PTPRD: variants seen among roughly 807,000 people sequenced by gnomAD.
PTPRD encodes the protein protein tyrosine phosphatase receptor type D.
PTPRD carries 34 observed loss-of-function variants against 214.5 expected under a neutral mutation model. The ratio of observed to expected loss-of-function variants is 0.16; its 90% CI spans 0.12 to 0.21. PTPRD has a LOEUF of 0.21. Among genes scored for constraint, PTPRD ranks in the 10% least tolerant of loss-of-function variants. The pLI is 1.00. For missense variants in PTPRD, 2,545 were observed against 2,398.7 expected, an observed-to-expected ratio of 1.06 and a Z score of -1.27; for synonymous variants, 1,128 against 845.7, an observed-to-expected ratio of 1.33 and a Z score of -5.79.
chr9:8,777,228 C>T (rs555724025), intron 11 of PTPRD, among the ~76,000 whole-genome samples: 4 of 152,114 alleles, frequency 2.6e-5, no homozygotes, highest in Non-Finnish European at 5.9e-5. Context: ...GATACTCCTG[C>T]TTCCACCTCC....
At chr9:10,107,395 C>A (rs1386502326) in intron 3 of PTPRD, among the ~76,000 whole-genome samples, 2 of 152,016 alleles carry the variant, frequency 1.3e-5, no homozygotes, top group Non-Finnish European at 2.9e-5. Flanking sequence ...GCTGCATAAA[C>A]ATGACTCATT....
intron 11 of PTPRD, among the ~76,000 whole-genome samples, chr9:8,839,998 G>A (rs754110494): frequency 6.6e-6 from 1 of 152,158 alleles, no homozygotes; most frequent in Admixed American, 6.5e-5. Context: ...CAGATAAAAG[G>A]ATTATGAGCA....
At chr9:9,566,225 T>A (rs942700746) in intron 8 of PTPRD, among the ~76,000 whole-genome samples, 1 of 152,054 alleles carries the variant, frequency 6.6e-6, no homozygotes, top group Non-Finnish European at 1.5e-5. Flanking sequence ...ACTGTTATTA[T>A]CTACTTATAT....
In PTPRD at chr9:9,783,573, T is replaced by G. The variant is rs534384492; in HGVS notation, c.-367-16722A>C. 3.3e-5 allele frequency among the ~76,000 whole-genome samples: 5 copies of G among 152,242 alleles called. No individual in the cohort carries two copies. The South Asian group carries it at 1.0e-3, about 32-fold the overall frequency. ...ATTAAACCAAGATGTACATTTTAATTATAATTTTATCAAACTGATAATACA... is the reference window on the plus strand; with the variant it reads ...ATTAAACCAAGATGTACATTTTAATGATAATTTTATCAAACTGATAATACA... On this transcript the variant is annotated intron_variant, in intron 5 of 45. Coordinates refer to ENST00000381196, the MANE Select transcript of PTPRD (RefSeq NM_002839.4).
chr9:8,609,052 CA>C, intron 14 of PTPRD, among the ~76,000 whole-genome samples: 1 of 152,294 alleles, frequency 6.6e-6, no homozygotes, highest in African/African-American at 2.4e-5. Flanking sequence ...AAGTGCAGCA[CA>C]ACCATCAACA....
At chr9:10,152,130 A>G (rs2099065108) in intron 3 of PTPRD, among the ~76,000 whole-genome samples, 1 of 152,172 alleles carries the variant, frequency 6.6e-6, no homozygotes, top group Non-Finnish European at 1.5e-5. Context: ...TTCCAAAGGG[A>G]CTATACTATT....
chr9:10,156,607 T>C (rs1449037344), intron 3 of PTPRD, among the ~76,000 whole-genome samples: 1 of 152,168 alleles, frequency 6.6e-6, no homozygotes, highest in East Asian at 1.9e-4. Flanking sequence ...ACAGTGTGTA[T>C]TCTTGTTTTG....
chr9:9,092,083 G>T (rs1377299266), intron 10 of PTPRD, among the ~76,000 whole-genome samples: 1 of 152,102 alleles, frequency 6.6e-6, no homozygotes, highest in South Asian at 2.1e-4. Flanking sequence ...ACATGGTGAA[G>T]GTTTATAATG....
chr9:9,902,400 G>C (rs1158840399), intron 5 of PTPRD, among the ~76,000 whole-genome samples: 1 of 151,852 alleles, frequency 6.6e-6, no homozygotes, highest in Admixed American at 6.6e-5. Context: ...TGATTCTTTA[G>C]TTTCTTTTTC....
At chr9:8,572,346 A>G (rs2091380531) in intron 14 of PTPRD, among the ~76,000 whole-genome samples, 1 of 152,026 alleles carries the variant, frequency 6.6e-6, no homozygotes, top group South Asian at 2.1e-4. Flanking sequence ...TCTTAACATA[A>G]AAAGTCCCAG....
At chr9:8,702,223 T>C (rs2098103205) in intron 12 of PTPRD, among the ~76,000 whole-genome samples, 1 of 151,500 alleles carries the variant, frequency 6.6e-6, no homozygotes, top group Admixed American at 6.6e-5. Flanking sequence ...TAGGACAGAA[T>C]GGCTGCCAGA....
intron 3 of PTPRD, among the ~76,000 whole-genome samples, chr9:10,054,026 T>G (rs2097579582): frequency 1.3e-5 from 2 of 152,284 alleles, no homozygotes; most frequent in East Asian, 3.9e-4. Context: ...CCCAAAGCAC[T>G]GGGATTACAG....
At chr9:8,663,746 C>T (rs2097114788) in intron 12 of PTPRD, among the ~76,000 whole-genome samples, 2 of 152,090 alleles carry the variant, frequency 1.3e-5, no homozygotes, top group Admixed American at 1.3e-4. Flanking sequence ...CCGCCTCGGC[C>T]TCCCAAAATG....
intron 4 of PTPRD, among the ~76,000 whole-genome samples, chr9:9,953,197 T>C (rs922809544): frequency 4.6e-5 from 7 of 152,162 alleles, no homozygotes; most frequent in African/African-American, 1.7e-4. Context: ...GTGGTTAACA[T>C]TATCCTGGAT....
At chr9:8,622,350 A>G (rs1055266041) in intron 14 of PTPRD, among the ~76,000 whole-genome samples, 4 of 151,966 alleles carry the variant, frequency 2.6e-5, no homozygotes, top group Non-Finnish European at 5.9e-5. Context: ...CTGAGGCTTC[A>G]TGTGTCAAAC....
intron 9 of PTPRD, among the ~76,000 whole-genome samples, chr9:9,298,208 T>G (rs1246426154): frequency 6.6e-6 from 1 of 151,642 alleles, no homozygotes; most frequent in African/African-American, 2.4e-5. Context: ...ACCTAAAGGT[T>G]TCAGAAATAG....
At chr9:9,897,219 T>A (rs532406305) in intron 5 of PTPRD, among the ~76,000 whole-genome samples, 2 of 151,908 alleles carry the variant, frequency 1.3e-5, no homozygotes, top group African/African-American at 4.8e-5. Flanking sequence ...TACTTCAGAA[T>A]TGTTGCTTAA....
chr9:9,194,389 T>C (rs1365390762), intron 9 of PTPRD, among the ~76,000 whole-genome samples: 1 of 152,210 alleles, frequency 6.6e-6, no homozygotes, highest in Non-Finnish European at 1.5e-5. Flanking sequence ...CTATCAATTA[T>C]GTACTGTACA....
chr9:8,720,008 T>C (rs180775022), intron 12 of PTPRD, among the ~76,000 whole-genome samples: 1 of 152,372 alleles, frequency 6.6e-6, no homozygotes, highest in East Asian at 1.9e-4. Flanking sequence ...GTTTCAGCTA[T>C]TTATTGCTGT....
Sources: gnomAD v4.1 joint callset for allele counts (sites outside exome capture counted in the v4.1 genomes callset) on GRCh38, gnomAD v4.1.1 for gene constraint, MANE v1.5 for transcripts, NCBI Gene and HGNC (gene_info 2026-07-23, HGNC 2026-07-21) for gene names.